The following APCDD1L variants were observed in gnomAD, a reference collection of about 807,000 sequenced individuals.
APCDD1L encodes the protein APC down-regulated 1 like.
In APCDD1L, 21 loss-of-function variants were observed where a neutral mutation model predicts 24.2. The ratio of observed to expected loss-of-function variants is 0.87; its 90% CI spans 0.61 to 1.25. APCDD1L has a LOEUF of 1.25. Among genes scored for constraint, APCDD1L ranks in the 50% most tolerant of loss-of-function variants. The pLI, the probability that APCDD1L is intolerant of heterozygous loss-of-function variation, is 0.00. For missense variants in APCDD1L, 704 were observed against 711.7 expected, an observed-to-expected ratio of 0.99 and a Z score of 0.12; for synonymous variants, 321 against 323.6, an observed-to-expected ratio of 0.99 and a Z score of 0.09.
chr20:58,470,276 C>T lies in APCDD1L; in HGVS notation c.188+333G>A, dbSNP rs193273317. ...TGGTTTTATTTCCTTCATTGAAGAA[C>T]TTAGTGCAATCTCAAGTTTATATTA... On this transcript the variant is annotated intron_variant, in intron 2 of 3. Coordinates refer to ENST00000371149, the MANE Select transcript of APCDD1L (RefSeq NM_153360.3). Among the ~76,000 whole-genome samples, 320 of 152,336 alleles carry T rather than the reference C, an allele frequency of 2.1e-3. 2 individuals carry two copies. The highest frequency in any genetic ancestry group is 6.8e-3 in the Middle Eastern group (2 of 294).
intron 1 of APCDD1L, among the ~76,000 whole-genome samples, chr20:58,507,186 A>C (rs928468247): frequency 2.0e-5 from 3 of 152,184 alleles, no homozygotes; most frequent in African/African-American, 7.2e-5. Flanking sequence ...GTTTCCCTGC[A>C]CAAGTTCTCT....
chr20:58,486,188 A>G (rs1990114482), intron 1 of APCDD1L, among the ~76,000 whole-genome samples: 1 of 152,244 alleles, frequency 6.6e-6, no homozygotes, highest in South Asian at 2.1e-4. Flanking sequence ...ATAGAATAAT[A>G]TACATGAAAT....
At chr20:58,495,254 A>G (rs1396169399) in intron 1 of APCDD1L, among the ~76,000 whole-genome samples, 1 of 152,220 alleles carries the variant, frequency 6.6e-6, no homozygotes, top group Non-Finnish European at 1.5e-5. Context: ...AATTGAAAAT[A>G]CACGGCCCCT....
Position 58,461,858 on chromosome 20 carries a change from A to G in APCDD1L, c.742-304T>C, listed in dbSNP as rs1055550914. On this transcript the variant is annotated intron_variant, in intron 3 of 3. Transcript: ENST00000371149. The surrounding 1 kb of genome is among the most constrained non-coding windows in gnomAD (Gnocchi z 6.0). ...TAGGTCTCAGCTGGGCACCAGAGAG[A>G]GCTTTCCCGAATGCCCCATGTAAGG... 6.1e-6 allele frequency: 2 copies of G among 330,354 alleles called. No individual in the cohort carries two copies. The highest frequency in any genetic ancestry group is 1.1e-5 in the Non-Finnish European group (2 of 182,564). The allele number at this position is 330,354 out of a possible 1,614,324, so 20.5% of individuals were successfully genotyped here.
intron 1 of APCDD1L, among the ~76,000 whole-genome samples, chr20:58,478,707 T>C (rs1170110257): frequency 1.3e-5 from 2 of 152,132 alleles, no homozygotes; most frequent in Non-Finnish European, 2.9e-5. Context: ...TGTGACTTCC[T>C]TGTTGACCCT....
intron 1 of APCDD1L, among the ~76,000 whole-genome samples, chr20:58,512,802 G>T (rs2123201568): frequency 6.6e-6 from 1 of 152,318 alleles, no homozygotes; most frequent in East Asian, 1.9e-4. Context: ...GTGGAAAATA[G>T]TGCCCGGTGT....
In APCDD1L at chr20:58,461,412, A is replaced by G; in HGVS notation, c.884T>C (p.Val295Ala). ...AGTGAAGAGCCGGGTGAGGAACAGG[A>G]CTGCTGGGCGCACCTCGCACCCCGA... ...VSSGCEVRPA[V>A]LFLTRLFTFH... Residue 295 changes from valine (V) to alanine (A), a missense_variant, in exon 4 of 4, where the codon GTC becomes GCC. Transcript: ENST00000371149. The surrounding 1 kb of genome is among the most constrained non-coding windows in gnomAD (Gnocchi z 6.0). The G allele has an allele frequency of 1.3e-6, 2 of 1,543,404 alleles. No individual in the cohort carries two copies. The highest frequency in any genetic ancestry group is 1.8e-6 in the Non-Finnish European group (2 of 1,140,848).
At chr20:58,474,984 C>T (rs1989879536) in intron 1 of APCDD1L, among the ~76,000 whole-genome samples, 1 of 152,162 alleles carries the variant, frequency 6.6e-6, no homozygotes, top group African/African-American at 2.4e-5. Flanking sequence ...ACACTCTGTG[C>T]CCTTCTCTTA....
intron 1 of APCDD1L, chr20:58,513,810 T>G (rs1170468005): frequency 9.1e-7 from 1 of 1,099,528 alleles, no homozygotes; most frequent in Admixed American, 2.3e-5. Context: ...CCGATGGCCA[T>G]GCTTACCCAA....
chr20:58,496,753 G>T (rs1990330360), intron 1 of APCDD1L, among the ~76,000 whole-genome samples: 1 of 152,206 alleles, frequency 6.6e-6, no homozygotes, highest in South Asian at 2.1e-4. Context: ...AGTCCTTGGG[G>T]TGTTACAGGC....
chr20:58,493,057 TCACA>T (rs1225470087), intron 1 of APCDD1L, among the ~76,000 whole-genome samples: 1 of 131,184 alleles, frequency 7.6e-6, no homozygotes, highest in Non-Finnish European at 1.6e-5. Flanking sequence ...ACACATGCAC[TCACA>T]CACAATGCAA....
chr20:58,479,220 A>G (rs774737854), intron 1 of APCDD1L, among the ~76,000 whole-genome samples: 7 of 152,208 alleles, frequency 4.6e-5, no homozygotes, highest in Non-Finnish European at 1.0e-4. Flanking sequence ...GGCTCCAAGT[A>G]CTATATATTT....
chr20:58,459,536 G>A lies in APCDD1L; in HGVS notation c.*1254C>T, dbSNP rs995742319. 6.6e-6 allele frequency: 1 copy of A among 152,246 alleles called. No homozygotes were observed. The highest frequency in any genetic ancestry group is 2.4e-5 in the African/African-American group (1 of 41,418). 9.4% of individuals were successfully genotyped at this position (152,246 alleles called of 1,614,324 possible). On this transcript the variant is annotated 3_prime_UTR_variant, in exon 4 of 4. Coordinates refer to ENST00000371149, the MANE Select transcript of APCDD1L (RefSeq NM_153360.3). ...GATAGGGATCAGGAGGAGGAAGGAGGGGGTGAGTCATTGGCCCCCAGTCCT... is the reference window on the plus strand; with the variant it reads ...GATAGGGATCAGGAGGAGGAAGGAGAGGGTGAGTCATTGGCCCCCAGTCCT...
chr20:58,486,009 CATT>C (rs1990112142), intron 1 of APCDD1L, among the ~76,000 whole-genome samples: 1 of 152,148 alleles, frequency 6.6e-6, no homozygotes, highest in Admixed American at 6.5e-5. Flanking sequence ...TAGAAGAAAG[CATT>C]ATTATTTTCA....
At position 58,467,998 on chromosome 20, in the gene APCDD1L, C is replaced by T. The variant is rs1345425323; in HGVS notation, c.189-340G>A. On this transcript the variant is annotated intron_variant, in intron 2 of 3. Coordinates refer to ENST00000371149, the MANE Select transcript of APCDD1L (RefSeq NM_153360.3). This position sits in a 1 kb window ranked among gnomAD's most constrained non-coding sequence, Gnocchi z 5.9. Reference sequence around the variant, plus strand: ...TGCCTGCTTCCTCCCCCGCTGGACTCTGGGCACCTGGCCCAGAGCCCGCCC... The same window carrying T: ...TGCCTGCTTCCTCCCCCGCTGGACTTTGGGCACCTGGCCCAGAGCCCGCCC... Among the ~76,000 whole-genome samples, 1 of 152,174 alleles carries T rather than the reference C, an allele frequency of 6.6e-6. No homozygotes were observed. Among genetic ancestry groups the T allele is most frequent in the Non-Finnish European group, 1.5e-5 (1 of 68,028 alleles).
chr20:58,464,029 G>T (rs547078399), intron 3 of APCDD1L, among the ~76,000 whole-genome samples: 1 of 151,948 alleles, frequency 6.6e-6, no homozygotes, highest in South Asian at 2.1e-4. Flanking sequence ...GAGCTTGACG[G>T]TTCTCTGAAA....
chr20:58,502,071 G>T (rs1467611119), intron 1 of APCDD1L, among the ~76,000 whole-genome samples: 1 of 152,080 alleles, frequency 6.6e-6, no homozygotes, highest in African/African-American at 2.4e-5. Flanking sequence ...CTCTCACAGT[G>T]CTTGTCACCA....
chr20:58,514,048 C>G (rs139621872), intron 1 of APCDD1L: 2 of 1,042,628 alleles, frequency 1.9e-6, no homozygotes, highest in Admixed American at 3.4e-5. Flanking sequence ...TACTCCCCAC[C>G]CCCACGAAGA....
chr20:58,498,545 G>A (rs892195331), intron 1 of APCDD1L, among the ~76,000 whole-genome samples: 1 of 152,202 alleles, frequency 6.6e-6, no homozygotes, highest in African/African-American at 2.4e-5. Context: ...CTGGCCTCGG[G>A]GGAAGCTGAT....
Sources: gnomAD v4.1 joint callset for allele counts (sites outside exome capture counted in the v4.1 genomes callset) on GRCh38, gnomAD v4.1.1 for gene constraint, Gnocchi (gnomAD v3.1) non-coding constraint, MANE v1.5 for transcripts, NCBI Gene and HGNC (gene_info 2026-07-23, HGNC 2026-07-21) for gene names.